The following MPP1 variants were observed in gnomAD, a reference collection of about 807,000 sequenced individuals.
MPP1 encodes MAGUK p55 scaffold protein 1.
MPP1 carries 6 observed loss-of-function variants against 38.2 expected under a neutral mutation model. The observed-to-expected ratio is 0.16, with a 90% CI of 0.09 to 0.31. The LOEUF is 0.31. Ranked by LOEUF, MPP1 falls within the 10% of genes least tolerant of loss-of-function variation. MPP1 has a pLI of 1.00. For missense variants in MPP1, 293 were observed against 368.9 expected, an observed-to-expected ratio of 0.79 and a Z score of 1.69; for synonymous variants, 153 against 146.3, an observed-to-expected ratio of 1.05 and a Z score of -0.33.
rs2071949428 is a variant in MPP1, at chrX:154,778,742, T to C, written c.*435A>G. The C allele has an allele frequency of 8.2e-6, 1 of 122,429 alleles. No homozygotes were observed. 10.1% of individuals were successfully genotyped at this position (122,429 alleles called of 1,213,427 possible). On this transcript the variant is annotated 3_prime_UTR_variant, in exon 12 of 12. Transcript: ENST00000369534. ...GAAGGTTTCCCTAGAGCAGACATCA[T>C]TCTATTGCACAGATGTGTCATTTTG...
intron 1 of MPP1, chrX:154,804,935 A>G (rs2072303888): frequency 2.6e-6 from 1 of 378,819 alleles, no homozygotes; most frequent in African/African-American, 2.5e-5. Context: ...AGGCAGACCT[A>G]CTCCTTGATG....
At chrX:154,791,598 TATC>T (rs1267704729) in intron 3 of MPP1, 168 bp downstream of exon 3, 1 of 421,472 alleles carries the variant, frequency 2.4e-6, no homozygotes, top group East Asian at 3.7e-5. Flanking sequence ...ATAGAGATCT[TATC>T]ATGTACTGAT....
intron 9 of MPP1, chrX:154,782,820 C>T (rs1296611147): frequency 8.9e-6 from 1 of 112,455 alleles, no homozygotes; most frequent in Non-Finnish European, 1.9e-5. Flanking sequence ...CTTAAAGTCA[C>T]AGTCTTCGAA....
At chrX:154,783,582 G>A (rs1055247227) in intron 8 of MPP1, 75 bp from the exon 9 acceptor site, 35 of 905,364 alleles carry the variant, frequency 3.9e-5, no homozygotes, top group Middle Eastern at 2.8e-4. Flanking sequence ...TTCCTCTCTC[G>A]GCACTCAAAA....
In MPP1 at chrX:154,791,811, T is replaced by A; in HGVS notation, c.283A>T (p.Thr95Ser). 1 of 1,211,148 alleles carries A rather than the reference T, an allele frequency of 8.3e-7. No homozygotes were observed. Among genetic ancestry groups the A allele is most frequent in the Non-Finnish European group, 1.1e-6 (1 of 894,903 alleles). The change falls in exon 3 of 12, where the codon ACG becomes TCG. Residue 95 changes from threonine (T) to serine (S), a missense_variant. By Grantham distance (58) the Thr-to-Ser change is moderately conservative. Transcript: ENST00000369534. ...TLKLNEKQSC[T>S]VARILHGGMI... is the part of the protein sequence containing the mutation. ...CCACCATGAAGAATTCTGGCCACCG[T>A]ACAGGACTGTTTTTCATTCAGCTTC...
chrX:154,783,296 T>C lies in MPP1; in HGVS notation c.946+131A>G, dbSNP rs6655244. ...GTGGGCACAAATTTTTATCTTTCCA[T>C]ATTTTGTTTAGTTTTAATAATCATT... On this transcript the variant is annotated intron_variant, in intron 9 of 11. Transcript: ENST00000369534. 4.7e-4 allele frequency: 151 copies of C among 323,726 alleles called. 1 individual carries two copies. The highest frequency in any genetic ancestry group is 3.6e-3 in the African/African-American group (133 of 36,562). The allele number at this position is 323,726 out of a possible 1,213,427, so 26.7% of individuals were successfully genotyped here.
At chrX:154,789,340 CAT>C (rs2072114957) in intron 5 of MPP1, among the ~76,000 whole-genome samples, 1 of 111,838 alleles carries the variant, frequency 8.9e-6, no homozygotes, top group Non-Finnish European at 1.9e-5. Flanking sequence ...ATATCACCTC[CAT>C]GTTCTAGCAC....
intron 9 of MPP1, 198 bp from the exon 10 acceptor site, chrX:154,782,000 C>A: frequency 2.8e-6 from 1 of 357,360 alleles, no homozygotes; most frequent in Non-Finnish European, 4.8e-6. Context: ...GCCCAGGACA[C>A]ATTTAATTTT....
chrX:154,797,746 T>C (rs2072212946), intron 1 of MPP1, among the ~76,000 whole-genome samples: 1 of 112,129 alleles, frequency 8.9e-6, no homozygotes, highest in Non-Finnish European at 1.9e-5. Flanking sequence ...GCAGAATCCA[T>C]TAAAGGAAAA....
chrX:154,782,634 T>C (rs1343676421), intron 9 of MPP1: 1 of 112,786 alleles, frequency 8.9e-6, no homozygotes, highest in Non-Finnish European at 1.9e-5. Context: ...TGGTTTTCTA[T>C]TTTGCTTAGC....
chrX:154,781,925 T>A, intron 9 of MPP1, 123 bp from the exon 10 acceptor site: 1 of 629,281 alleles, frequency 1.6e-6, no homozygotes, highest in Non-Finnish European at 2.5e-6. Flanking sequence ...ATACAGGGGT[T>A]CCTCCCGTGG....
chrX:154,804,868 A>G (rs1557269001), intron 1 of MPP1: 1 of 350,608 alleles, frequency 2.9e-6, no homozygotes, highest in South Asian at 2.6e-5. Context: ...TTAGAACCAG[A>G]AGCTGGCTTT....
At chrX:154,796,841 A>C (rs2072203470) in intron 1 of MPP1, among the ~76,000 whole-genome samples, 1 of 111,536 alleles carries the variant, frequency 9.0e-6, no homozygotes, top group Non-Finnish European at 1.9e-5. Flanking sequence ...GGAGTCAAGA[A>C]GTAGGATCTG....
At chrX:154,788,149 C>G (rs1342505737) in intron 5 of MPP1, among the ~76,000 whole-genome samples, 3 of 112,049 alleles carry the variant, frequency 2.7e-5, no homozygotes, top group African/African-American at 9.7e-5. Flanking sequence ...TAAGTAAAAA[C>G]TTTTAAAACA....
chrX:154,793,096 G>T, intron 1 of MPP1, among the ~76,000 whole-genome samples: 1 of 111,889 alleles, frequency 8.9e-6, no homozygotes, highest in East Asian at 2.8e-4. Flanking sequence ...GGGAAAAATG[G>T]TCTGCACGAT....
Position 154,781,546 on chromosome X carries a change from G to A in MPP1, c.1149+54C>T, listed in dbSNP as rs181545325. On this transcript the variant is annotated intron_variant, in intron 10 of 11. Coordinates refer to ENST00000369534, the MANE Select transcript of MPP1 (RefSeq NM_002436.4). Reference sequence around the variant, plus strand: ...AAGATTCCCAAGGAGCACTGTCTTCGCCATCCCTTGTGTGGCTGAGCCCAT... The same window carrying A: ...AAGATTCCCAAGGAGCACTGTCTTCACCATCCCTTGTGTGGCTGAGCCCAT... The A allele has an allele frequency of 4.3e-5, 49 of 1,145,515 alleles. No individual in the cohort carries two copies. In the African/African-American group the frequency reaches 7.2e-4, roughly 17 times the overall value. 94.4% of individuals were successfully genotyped at this position (1,145,515 alleles called of 1,213,427 possible). A position where few individuals can be genotyped will look rare whatever the true frequency, so the allele number is the denominator to read the frequency against.
rs369500253 is a variant in MPP1, at chrX:154,786,257, T to C, written c.624A>G (p.Glu208=). The change falls in exon 6 of 12, where the codon GAA becomes GAG. Residue 208 remains glutamate, a synonymous_variant. Coordinates refer to ENST00000369534, the MANE Select transcript of MPP1 (RefSeq NM_002436.4). ...ATCCTGCTGACTCCTTGGAGGAGCC[T>C]TCCACCCGTCCCTGCCACCAATTGC... ...DDSNWWQGRV[E]GSSKESAGLI... is the part of the protein sequence containing the mutation. 2.8e-5 allele frequency: 34 copies of C among 1,210,084 alleles called. No individual in the cohort carries two copies. The highest frequency in any genetic ancestry group is 2.2e-6 in the Non-Finnish European group (2 of 895,173).
intron 1 of MPP1, among the ~76,000 whole-genome samples, chrX:154,803,971 C>T (rs966418613): frequency 1.4e-4 from 16 of 112,452 alleles, no homozygotes; most frequent in African/African-American, 4.9e-4. Flanking sequence ...GTCTCATCAT[C>T]TGTATAACAA....
In MPP1 at chrX:154,786,377, G is replaced by A. The variant is rs782254134; in HGVS notation, c.504C>T (p.Asp168=). 1 of 1,211,177 alleles carries A rather than the reference G, an allele frequency of 8.3e-7. No individual in the cohort carries two copies. Among genetic ancestry groups the A allele is most frequent in the African/African-American group, 1.7e-5 (1 of 57,730 alleles). The change falls in exon 6 of 12, where the codon GAC becomes GAT. Residue 168 remains aspartate, a synonymous_variant. Transcript: ENST00000369534. ...TCAGATTGTCCTTTTTGGGATCATA[G>A]TCAAACTGCGCTCTCATGAACATCT... ...ALQMFMRAQF[D]YDPKKDNLIP...
Sources: gnomAD v4.1 joint callset for allele counts (sites outside exome capture counted in the v4.1 genomes callset) on GRCh38, gnomAD v4.1.1 for gene constraint, MANE v1.5 for transcripts, NCBI Gene and HGNC (gene_info 2026-07-23, HGNC 2026-07-21) for gene names.